Variants in ZC3H7A observed in about 807,000 individuals in gnomAD.
ZC3H7A encodes the protein zinc finger CCCH domain-containing protein 7A.
Under a neutral mutation model 125.5 loss-of-function variants are expected in ZC3H7A, and 44 were observed. That is an observed-to-expected ratio of 0.35 (90% CI 0.28 to 0.45). The LOEUF is 0.45. ZC3H7A is among the 20% of genes least tolerant of loss of function. The pLI, the probability that ZC3H7A is intolerant of heterozygous loss-of-function variation, is 1.00. For synonymous variants in ZC3H7A, 399 were observed against 391.2 expected, an observed-to-expected ratio of 1.02 and a Z score of -0.23; for missense variants, 977 against 1,170.7, an observed-to-expected ratio of 0.83 and a Z score of 2.41.
Position 11,751,453 on chromosome 16 carries a change from T to C in ZC3H7A, c.2780A>G (p.Asn927Ser), listed in dbSNP as rs765396368. 3.1e-6 allele frequency: 5 copies of C among 1,614,210 alleles called. No individual in the cohort carries two copies. Among genetic ancestry groups the C allele is most frequent in the Middle Eastern group, 1.6e-4 (1 of 6,062 alleles). Residue 927 changes from asparagine to serine, a missense_variant, in exon 23 of 23, where the codon AAT becomes AGT. Coordinates refer to ENST00000355758, the MANE Select transcript of ZC3H7A (RefSeq NM_014153.4). ...TTCTTCCCATTCATGAAGTTCGGCA[T>C]TTCCATGTGCAAATTTACAGCTGTT... Reference protein sequence around the residue: ...EGNSCKFAHGNAELHEWEERR... With the variant: ...EGNSCKFAHGSAELHEWEERR...
intron 3 of ZC3H7A, among the ~76,000 whole-genome samples, chr16:11,780,822 C>T (rs2053162875): frequency 6.6e-6 from 1 of 152,166 alleles, no homozygotes; most frequent in South Asian, 2.1e-4. Context: ...AGTCTGCAGT[C>T]AAAGTCCCAA....
intron 1 of ZC3H7A, among the ~76,000 whole-genome samples, chr16:11,789,447 T>A (rs1425695826): frequency 6.6e-6 from 1 of 151,890 alleles, no homozygotes; most frequent in Admixed American, 6.6e-5. Flanking sequence ...AGAGATGGGG[T>A]TTCACCATGT....
intron 4 of ZC3H7A, among the ~76,000 whole-genome samples, chr16:11,777,830 AC>A (rs1240048989): frequency 6.7e-6 from 1 of 150,166 alleles, no homozygotes; most frequent in Non-Finnish European, 1.5e-5. Context: ...GACCAGCCTG[AC>A]CGACATGGAG....
At chr16:11,755,626 A>T (rs1567371671) in intron 21 of ZC3H7A, among the ~76,000 whole-genome samples, 1 of 152,156 alleles carries the variant, frequency 6.6e-6, no homozygotes, top group Non-Finnish European at 1.5e-5. Flanking sequence ...ATACTTCACT[A>T]ATCCATCAGG....
intron 19 of ZC3H7A, chr16:11,759,294 T>C (rs2052702720): frequency 6.6e-6 from 1 of 152,224 alleles, no homozygotes; most frequent in Non-Finnish European, 1.5e-5. Flanking sequence ...TAAATCCTAG[T>C]ACAACTAATT....
At chr16:11,776,405 G>A (rs1196249121) in intron 6 of ZC3H7A, 47 bp from the exon 7 acceptor site, 2 of 1,601,760 alleles carry the variant, frequency 1.2e-6, no homozygotes, top group South Asian at 2.3e-5. Flanking sequence ...CTGACTCCAA[G>A]TTCTAAAACA....
chr16:11,771,107 G>A, intron 9 of ZC3H7A, 120 bp from the exon 10 acceptor site: 1 of 1,017,276 alleles, frequency 9.8e-7, no homozygotes. Context: ...ACATAACAAA[G>A]TTTAGGCCAG....
At chr16:11,767,983 G>C (rs377144569) in intron 12 of ZC3H7A, among the ~76,000 whole-genome samples, 2 of 152,096 alleles carry the variant, frequency 1.3e-5, no homozygotes, top group Non-Finnish European at 2.9e-5. Flanking sequence ...CTGTTTTCTA[G>C]TTCTTGCTCT....
intron 1 of ZC3H7A, among the ~76,000 whole-genome samples, chr16:11,785,713 G>A (rs1228027164): frequency 6.6e-6 from 1 of 152,128 alleles, no homozygotes; most frequent in Non-Finnish European, 1.5e-5. Context: ...TCCGCCTCCC[G>A]GCATCACACC....
At chr16:11,795,557 T>A (rs1459291590) in intron 1 of ZC3H7A, among the ~76,000 whole-genome samples, 2 of 152,086 alleles carry the variant, frequency 1.3e-5, no homozygotes, top group African/African-American at 4.8e-5. Context: ...TGCCTCAGCC[T>A]CCCCAGTAGC....
intron 1 of ZC3H7A, among the ~76,000 whole-genome samples, chr16:11,787,564 C>T (rs980572521): frequency 6.6e-5 from 10 of 152,146 alleles, no homozygotes; most frequent in Admixed American, 1.3e-4. Flanking sequence ...CGGTCTCAAG[C>T]GATCCTCCCT....
At chr16:11,753,841 G>C (rs1483997126) in intron 21 of ZC3H7A, 2 of 152,084 alleles carry the variant, frequency 1.3e-5, no homozygotes, top group Admixed American at 1.3e-4. Context: ...GTGGAGAAGG[G>C]GTTTCACCAA....
chr16:11,754,291 CA>C (rs71136680), intron 21 of ZC3H7A, among the ~76,000 whole-genome samples: 51 of 46,558 alleles, frequency 1.1e-3, no homozygotes, highest in East Asian at 3.7e-3. Context: ...GACCCTGTCT[CA>C]AAAAAAAAAA....
At chr16:11,788,736 C>T (rs2053300610) in intron 1 of ZC3H7A, among the ~76,000 whole-genome samples, 1 of 151,746 alleles carries the variant, frequency 6.6e-6, no homozygotes. Flanking sequence ...GCCTCAGCCG[C>T]CCCAGTATCT....
At position 11,779,500 on chromosome 16, in the gene ZC3H7A, G is replaced by T. The variant is rs377740810; in HGVS notation, c.109-137C>A. On this transcript the variant is annotated intron_variant, in intron 3 of 22. Transcript: ENST00000355758. ...GCATTGCTCTAAGAAATTGTGAGAT[G>T]CAGCCCAAGTCACTGCTATCTCAGC... 19 of 734,512 alleles carry T rather than the reference G, an allele frequency of 2.6e-5. No homozygotes were observed. In the African/African-American group the frequency reaches 2.7e-4, roughly 10 times the overall value. The allele number at this position is 734,512 out of a possible 1,614,324, so 45.5% of individuals were successfully genotyped here. A position where few individuals can be genotyped will look rare whatever the true frequency, so the allele number is the denominator to read the frequency against.
intron 3 of ZC3H7A, among the ~76,000 whole-genome samples, chr16:11,780,062 A>G (rs1301017461): frequency 6.6e-6 from 1 of 152,006 alleles, no homozygotes; most frequent in Non-Finnish European, 1.5e-5. Flanking sequence ...TTTAGCATGT[A>G]TAAAAGTTTG....
intron 15 of ZC3H7A, among the ~76,000 whole-genome samples, chr16:11,764,758 A>C (rs2052825459): frequency 6.6e-6 from 1 of 152,080 alleles, no homozygotes; most frequent in African/African-American, 2.4e-5. Context: ...CACTACATGC[A>C]ATTGTTGAAT....
intron 18 of ZC3H7A, 144 bp downstream of exon 18, chr16:11,761,766 C>T: frequency 8.5e-7 from 1 of 1,181,950 alleles, no homozygotes; most frequent in Non-Finnish European, 1.2e-6. Flanking sequence ...CTAAAAATCT[C>T]TTCCCTTGTG....
At position 11,761,902 on chromosome 16, in the gene ZC3H7A, A is replaced by G; in HGVS notation, c.2213+8T>C. 1 of 1,611,416 alleles carries G rather than the reference A, an allele frequency of 6.2e-7. No individual in the cohort carries two copies. ...AAAATAGGAATTGTTTCCACACACA[A>G]TACTTACGAATGCCTTGCTTTTGCA... is the stretch of plus-strand genomic sequence containing the variant. On this transcript the variant is annotated splice_region_variant and intron_variant, in intron 18 of 22. Coordinates refer to ENST00000355758, the MANE Select transcript of ZC3H7A (RefSeq NM_014153.4).
Sources: allele counts gnomAD v4.1 joint callset (sites outside exome capture counted in the v4.1 genomes callset), GRCh38; gene constraint gnomAD v4.1.1; transcripts MANE v1.5; gene names NCBI Gene and HGNC (gene_info 2026-07-23, HGNC 2026-07-21).